Variants in EPHA4 observed in about 807,000 individuals in gnomAD.
The protein encoded by EPHA4 is ephrin type-A receptor 4.
A neutral mutation model predicts 108.3 loss-of-function variants in EPHA4; 19 were observed. That is an observed-to-expected ratio of 0.18 (90% CI 0.12 to 0.26). The LOEUF (loss-of-function observed/expected upper bound fraction) is 0.26. EPHA4 is among the 10% of genes least tolerant of loss of function. The pLI, the probability that EPHA4 is intolerant of heterozygous loss-of-function variation, is 1.00. For synonymous variants in EPHA4, 449 were observed against 455.5 expected (o/e 0.99, Z 0.18); for missense variants, 917 against 1,254.0 (o/e 0.73, Z 4.06).
chr2:221,530,666 G>C (rs7583909), intron 3 of EPHA4, among the ~76,000 whole-genome samples: 85,552 of 152,018 alleles, frequency 0.56, 24,792 homozygotes, highest in African/African-American at 0.7. Context: ...TCTGAGGGCT[G>C]AGGGCTTTGG....
At chr2:221,515,491 A>C (rs1005656527) in intron 3 of EPHA4, among the ~76,000 whole-genome samples, 3 of 152,174 alleles carry the variant, frequency 2.0e-5, no homozygotes. Flanking sequence ...CTTAAAAAGT[A>C]CTCTTAATCA....
intron 13 of EPHA4, among the ~76,000 whole-genome samples, chr2:221,435,256 TC>T (rs1690196503): frequency 6.6e-6 from 1 of 152,134 alleles, no homozygotes; most frequent in Non-Finnish European, 1.5e-5. Context: ...TGTACTGCAT[TC>T]CCCCCTGCTT....
chr2:221,420,814 T>G (rs1689737188), intron 17 of EPHA4, among the ~76,000 whole-genome samples: 1 of 152,046 alleles, frequency 6.6e-6, no homozygotes, highest in Admixed American at 6.5e-5. Context: ...GATGAGGAAA[T>G]TGAGCATAAG....
intron 5 of EPHA4, among the ~76,000 whole-genome samples, chr2:221,464,852 C>T (rs1267379313): frequency 6.6e-6 from 1 of 152,024 alleles, no homozygotes; most frequent in Non-Finnish European, 1.5e-5. Flanking sequence ...TAAAACAAAC[C>T]GGCAAAAGGT....
chr2:221,534,621 C>G (rs774683806), intron 3 of EPHA4, among the ~76,000 whole-genome samples: 1 of 152,170 alleles, frequency 6.6e-6, no homozygotes, highest in Non-Finnish European at 1.5e-5. Flanking sequence ...TCCCTGGAAC[C>G]CATGGTCAAT....
At chr2:221,543,313 T>C (rs1296827258) in intron 3 of EPHA4, among the ~76,000 whole-genome samples, 1 of 152,214 alleles carries the variant, frequency 6.6e-6, no homozygotes, top group Non-Finnish European at 1.5e-5. Context: ...TATGAAGTTA[T>C]ATTTATTGAT....
chr2:221,505,749 T>C (rs1419303310), intron 3 of EPHA4, among the ~76,000 whole-genome samples: 3 of 152,190 alleles, frequency 2.0e-5, no homozygotes, highest in African/African-American at 7.2e-5. Context: ...TGCTGCCGTG[T>C]GCACACACAT....
intron 3 of EPHA4, among the ~76,000 whole-genome samples, chr2:221,546,587 A>C (rs969189644): frequency 6.6e-6 from 1 of 152,110 alleles, no homozygotes; most frequent in Non-Finnish European, 1.5e-5. Flanking sequence ...AGGATTTCTA[A>C]GGTCCTTCCC....
intron 1 of EPHA4, among the ~76,000 whole-genome samples, chr2:221,570,594 G>A (rs1694802021): frequency 6.6e-6 from 1 of 152,208 alleles, no homozygotes; most frequent in African/African-American, 2.4e-5. Context: ...CTGTGGGCAG[G>A]TGTATAAATC....
chr2:221,566,800 A>G lies in EPHA4; in HGVS notation c.159+1918T>C, dbSNP rs1232434951. 2.8e-5 allele frequency among the ~76,000 whole-genome samples: 4 copies of G among 144,234 alleles called. No individual in the cohort carries two copies. The Admixed American group carries it at 2.8e-4, about 10-fold the overall frequency. The allele number at this position is 144,234 out of a possible 152,430, so 94.6% of individuals were successfully genotyped here. A position where few individuals can be genotyped will look rare whatever the true frequency, so the allele number is the denominator to read the frequency against. On this transcript the variant is annotated intron_variant, in intron 2 of 17. Coordinates refer to ENST00000281821, the MANE Select transcript of EPHA4 (RefSeq NM_004438.5). Reference sequence around the variant, plus strand: ...GAAGAAGAAGAAGGAGAAGAAGAAGAGGGAGAAGAAGAAGAAGGAGAAGAA... The same window carrying G: ...GAAGAAGAAGAAGGAGAAGAAGAAGGGGGAGAAGAAGAAGAAGGAGAAGAA...
chr2:221,562,250 A>T (rs1574661626), intron 3 of EPHA4, among the ~76,000 whole-genome samples: 1 of 151,692 alleles, frequency 6.6e-6, no homozygotes, highest in East Asian at 1.9e-4. Context: ...AACAGAAAAG[A>T]TAGCCACTCT....
chr2:221,517,468 G>T (rs1032424368), intron 3 of EPHA4, among the ~76,000 whole-genome samples: 1 of 152,056 alleles, frequency 6.6e-6, no homozygotes, highest in African/African-American at 2.4e-5. Flanking sequence ...GGTAGAACGT[G>T]GATGACAGGA....
At chr2:221,550,931 A>G (rs1016855344) in intron 3 of EPHA4, among the ~76,000 whole-genome samples, 1 of 152,172 alleles carries the variant, frequency 6.6e-6, no homozygotes, top group African/African-American at 2.4e-5. Flanking sequence ...ATGTAAATTT[A>G]ACAAAATTCA....
chr2:221,488,720 C>T (rs1394676753), intron 4 of EPHA4, among the ~76,000 whole-genome samples: 2 of 152,106 alleles, frequency 1.3e-5, no homozygotes, highest in South Asian at 2.1e-4. Context: ...TAAAATATCA[C>T]ATCATATCAT....
intron 3 of EPHA4, among the ~76,000 whole-genome samples, chr2:221,557,769 T>C (rs1221017299): frequency 1.3e-5 from 2 of 152,170 alleles, no homozygotes; most frequent in African/African-American, 4.8e-5. Context: ...TTTTAACATA[T>C]CATATTGATT....
intron 8 of EPHA4, among the ~76,000 whole-genome samples, chr2:221,452,373 C>A (rs1216787427): frequency 6.6e-6 from 1 of 152,224 alleles, no homozygotes; most frequent in Non-Finnish European, 1.5e-5. Context: ...GTACCATGTA[C>A]CACCTTTCAT....
intron 17 of EPHA4, among the ~76,000 whole-genome samples, chr2:221,424,673 C>G (rs887450039): frequency 6.6e-6 from 1 of 152,116 alleles, no homozygotes; most frequent in African/African-American, 2.4e-5. Context: ...CAAGTCTCAC[C>G]ACTGGCATCT....
intron 5 of EPHA4, among the ~76,000 whole-genome samples, chr2:221,477,613 C>T (rs1208686018): frequency 6.6e-6 from 1 of 152,146 alleles, no homozygotes; most frequent in African/African-American, 2.4e-5. Flanking sequence ...TGTTTTCCCC[C>T]CGCAACGTAA....
intron 3 of EPHA4, among the ~76,000 whole-genome samples, chr2:221,522,735 CTATTATTATTATTATTATTAT>C (rs6147191): frequency 2.0e-5 from 3 of 148,704 alleles, no homozygotes; most frequent in Non-Finnish European, 4.5e-5. Flanking sequence ...AAATAAAATC[CTATTATTATTATTATTATTAT>C]TATTATTATT....
Sources: allele counts gnomAD v4.1 joint callset (sites outside exome capture counted in the v4.1 genomes callset), GRCh38; gene constraint gnomAD v4.1.1; transcripts MANE v1.5; gene names NCBI Gene and HGNC (gene_info 2026-07-23, HGNC 2026-07-21).